Variants in KCNT2 observed in about 807,000 individuals in gnomAD.
KCNT2 encodes potassium channel subfamily T member 2.
KCNT2 carries 67 observed loss-of-function variants against 153.8 expected under a neutral mutation model. That is an observed-to-expected ratio of 0.44 (90% confidence interval 0.36 to 0.53). KCNT2 has a LOEUF of 0.53. Among genes scored for constraint, KCNT2 ranks in the 20% least tolerant of loss-of-function variants. The probability of loss-of-function intolerance (pLI) is 0.00; values close to 1 mark genes in which losing one functional copy is unlikely to be tolerated. For synonymous variants in KCNT2, 500 were observed against 458.8 expected, an observed-to-expected ratio of 1.09 and a Z score of -1.15; for missense variants, 975 against 1,354.8, an observed-to-expected ratio of 0.72 and a Z score of 4.40.
chr1:196,392,594 T>A (rs1670587475), intron 13 of KCNT2, among the ~76,000 whole-genome samples: 1 of 151,390 alleles, frequency 6.6e-6, no homozygotes, highest in Non-Finnish European at 1.5e-5. Context: ...TAGAAACAGC[T>A]AAGATGATTT....
At position 196,513,806 on chromosome 1, in the gene KCNT2, A is replaced by G. The variant is rs139430488; in HGVS notation, c.96-21465T>C. ...TATATCCTCCAAATGGACCTTAGAG[A>G]CCAAACAACTGGTTCTACATAGAAC... On this transcript the variant is annotated intron_variant, in intron 1 of 27. Transcript: ENST00000294725. Among the ~76,000 whole-genome samples the G allele has an allele frequency of 2.6e-3, 400 of 152,324 alleles. 4 individuals are homozygous for G. Among genetic ancestry groups the G allele is most frequent in the African/African-American group, 9.3e-3 (387 of 41,588 alleles).
intron 25 of KCNT2, among the ~76,000 whole-genome samples, chr1:196,262,776 AG>A (rs1325816452): frequency 6.6e-6 from 1 of 152,128 alleles, no homozygotes; most frequent in Non-Finnish European, 1.5e-5. Context: ...GGAATCAAAA[AG>A]ACAATTAGAG....
chr1:196,500,485 A>G (rs951297449), intron 1 of KCNT2, among the ~76,000 whole-genome samples: 2 of 152,194 alleles, frequency 1.3e-5, no homozygotes, highest in African/African-American at 4.8e-5. Context: ...GAATTCTAGA[A>G]CATTTGTAAA....
At chr1:196,232,717 T>C (rs1654062813) in intron 27 of KCNT2, among the ~76,000 whole-genome samples, 1 of 151,574 alleles carries the variant, frequency 6.6e-6, no homozygotes, top group Non-Finnish European at 1.5e-5. Flanking sequence ...GTGACATACA[T>C]ATTTTATTCA....
intron 8 of KCNT2, among the ~76,000 whole-genome samples, chr1:196,456,029 C>A (rs982478560): frequency 1.3e-5 from 2 of 152,050 alleles, no homozygotes; most frequent in Non-Finnish European, 2.9e-5. Flanking sequence ...TTCATTCAGT[C>A]CTCACTCTAG....
intron 5 of KCNT2, among the ~76,000 whole-genome samples, chr1:196,475,651 T>G (rs1678470056): frequency 6.6e-6 from 1 of 152,058 alleles, no homozygotes; most frequent in Non-Finnish European, 1.5e-5. Flanking sequence ...ATGTTTTAAA[T>G]TCTGCTACCA....
In KCNT2 at chr1:196,227,797, T is replaced by A. The variant is rs1284298821; in HGVS notation, c.*427A>T. On this transcript the variant is annotated 3_prime_UTR_variant, in exon 28 of 28. Transcript: ENST00000294725. ...GACATTTACGATGAGCTCAATTTTG[T>A]AAAACAGTAAGTTTAAAGAATATAA... 6.5e-6 allele frequency: 1 copy of A among 153,212 alleles called. No homozygotes were observed. The highest frequency in any genetic ancestry group is 1.5e-5 in the Non-Finnish European group (1 of 68,466). The allele number at this position is 153,212 out of a possible 1,614,324, so 9.5% of individuals were successfully genotyped here.
At chr1:196,369,686 T>C (rs1668352463) in intron 14 of KCNT2, among the ~76,000 whole-genome samples, 1 of 152,208 alleles carries the variant, frequency 6.6e-6, no homozygotes, top group Non-Finnish European at 1.5e-5. Flanking sequence ...TAATAATCCA[T>C]GGTGTATATG....
At chr1:196,423,910 T>G (rs971308189) in intron 11 of KCNT2, among the ~76,000 whole-genome samples, 1 of 151,912 alleles carries the variant, frequency 6.6e-6, no homozygotes, top group Non-Finnish European at 1.5e-5. Context: ...AACTAACCTA[T>G]GAAACTTGTT....
chr1:196,295,332 T>C (rs148322347), intron 22 of KCNT2, among the ~76,000 whole-genome samples: 7,528 of 152,034 alleles, frequency 0.05, 285 homozygotes, highest in Non-Finnish European at 0.072. Flanking sequence ...GTACCTATAA[T>C]ACTTAAAAAC....
At chr1:196,286,663 A>ACACG (rs932874017) in intron 22 of KCNT2, among the ~76,000 whole-genome samples, 7 of 150,774 alleles carry the variant, frequency 4.6e-5, no homozygotes, top group African/African-American at 1.7e-4. Context: ...ACACACACAC[A>ACACG]CGTTGTTTAT....
chr1:196,335,676 T>C (rs1169333492), intron 16 of KCNT2, among the ~76,000 whole-genome samples: 1 of 152,168 alleles, frequency 6.6e-6, no homozygotes, highest in African/African-American at 2.4e-5. Context: ...TAACATGAAC[T>C]GAAGAAATTT....
intron 19 of KCNT2, among the ~76,000 whole-genome samples, chr1:196,321,235 AC>A (rs1213513917): frequency 6.6e-6 from 1 of 151,776 alleles, no homozygotes; most frequent in Non-Finnish European, 1.5e-5. Flanking sequence ...AAAACCCTCC[AC>A]ATCTCTCTCA....
intron 1 of KCNT2, among the ~76,000 whole-genome samples, chr1:196,531,017 A>G (rs1048723150): frequency 6.6e-6 from 1 of 152,124 alleles, no homozygotes; most frequent in Non-Finnish European, 1.5e-5. Flanking sequence ...CCAAAGATTT[A>G]CTGTAAATAG....
rs190908790 is a variant in KCNT2, at chr1:196,496,195, C to A, written c.96-3854G>T. Among the ~76,000 whole-genome samples, 275 of 152,234 alleles carry A rather than the reference C, an allele frequency of 1.8e-3. 2 individuals carry two copies. Among genetic ancestry groups the A allele is most frequent in the South Asian group, 7.3e-3 (35 of 4,818 alleles). ...TAAGAGAAATGATAGATAGGCCAGG[C>A]ACGGTGGCTCACACCTGTAATCCCA... On this transcript the variant is annotated intron_variant, in intron 1 of 27. Transcript: ENST00000294725.
intron 26 of KCNT2, among the ~76,000 whole-genome samples, chr1:196,248,763 A>G (rs1397685679): frequency 2.0e-5 from 3 of 152,330 alleles, no homozygotes; most frequent in East Asian, 1.9e-4. Flanking sequence ...ATTCCAAAAA[A>G]TAGAAGAGGA....
intron 1 of KCNT2, among the ~76,000 whole-genome samples, chr1:196,586,505 A>C (rs1253905102): frequency 6.6e-6 from 1 of 152,110 alleles, no homozygotes; most frequent in African/African-American, 2.4e-5. Flanking sequence ...TGCTAGAATA[A>C]TAAGAATTCT....
At chr1:196,573,629 T>C (rs938075124) in intron 1 of KCNT2, among the ~76,000 whole-genome samples, 2 of 150,710 alleles carry the variant, frequency 1.3e-5, no homozygotes, top group African/African-American at 4.9e-5. Context: ...ATAAATAAAA[T>C]ATGAAAGAAG....
intron 14 of KCNT2, among the ~76,000 whole-genome samples, chr1:196,360,931 G>A (rs1264369239): frequency 6.6e-6 from 1 of 151,966 alleles, no homozygotes; most frequent in Non-Finnish European, 1.5e-5. Context: ...AGTTTTAGAA[G>A]AGCAAGTATT....
Sources: allele counts gnomAD v4.1 joint callset (sites outside exome capture counted in the v4.1 genomes callset), GRCh38; gene constraint gnomAD v4.1.1; transcripts MANE v1.5; gene names NCBI Gene and HGNC (gene_info 2026-07-23, HGNC 2026-07-21).